Variants in DOK5 observed in about 807,000 individuals in gnomAD.
The protein encoded by DOK5 is downstream of tyrosine kinase 5.
In DOK5, 27 loss-of-function variants were observed where a neutral mutation model predicts 43.3. The observed-to-expected ratio is 0.62, with a 90% CI of 0.46 to 0.86. The LOEUF is 0.86. Among genes scored for constraint, DOK5 ranks in the 40% least tolerant of loss-of-function variants. DOK5 has a pLI of 0.00. For missense variants in DOK5, 373 were observed against 392.9 expected, an observed-to-expected ratio of 0.95 and a Z score of 0.43; for synonymous variants, 146 against 140.1, an observed-to-expected ratio of 1.04 and a Z score of -0.30.
At chr20:54,605,736 A>C (rs1302092128) in intron 5 of DOK5, among the ~76,000 whole-genome samples, 1 of 152,240 alleles carries the variant, frequency 6.6e-6, no homozygotes, top group Non-Finnish European at 1.5e-5. Context: ...TATTTATTGA[A>C]CATGAAATGT....
intron 1 of DOK5, among the ~76,000 whole-genome samples, chr20:54,491,942 AAGAG>A (rs973676578): frequency 3.4e-4 from 51 of 152,226 alleles, no homozygotes; most frequent in African/African-American, 1.2e-3. Flanking sequence ...AAGAGAGAAA[AAGAG>A]AGAGAAAGTG....
At chr20:54,550,763 G>T (rs979932348) in intron 1 of DOK5, among the ~76,000 whole-genome samples, 9 of 152,084 alleles carry the variant, frequency 5.9e-5, no homozygotes, top group African/African-American at 1.9e-4. Context: ...ATTGTATGGA[G>T]GATGTACCAC....
chr20:54,512,634 T>G (rs1983050382), intron 1 of DOK5, among the ~76,000 whole-genome samples: 1 of 152,218 alleles, frequency 6.6e-6, no homozygotes, highest in Non-Finnish European at 1.5e-5. Flanking sequence ...GTAGTATTCT[T>G]TTATGTTAAA....
Position 54,475,856 on chromosome 20 carries a change from C to G in DOK5, c.-91C>G, listed in dbSNP as rs547896444. On this transcript the variant is annotated 5_prime_UTR_variant, in exon 1 of 8. Transcript: ENST00000262593. This position sits in a 1 kb window ranked among gnomAD's most constrained non-coding sequence, Gnocchi z 4.2. ...CTTCACCTCTCCAACTTTCTCCCAC[C>G]GACTGCTTGTCTTGACCCTGCCCTC... 6 of 1,510,662 alleles carry G rather than the reference C, an allele frequency of 4.0e-6. No individual in the cohort carries two copies. Among genetic ancestry groups the G allele is most frequent in the Middle Eastern group, 2.2e-4 (1 of 4,556 alleles). 93.6% of individuals were successfully genotyped at this position (1,510,662 alleles called of 1,614,324 possible). A position where few individuals can be genotyped will look rare whatever the true frequency, so the allele number is the denominator to read the frequency against.
intron 2 of DOK5, among the ~76,000 whole-genome samples, chr20:54,561,449 T>C (rs1205108162): frequency 6.6e-6 from 1 of 152,172 alleles, no homozygotes; most frequent in Admixed American, 6.5e-5. Flanking sequence ...TCTTTCCTAC[T>C]GATTCGAAAA....
intron 6 of DOK5, among the ~76,000 whole-genome samples, chr20:54,611,666 G>A (rs1438106176): frequency 6.6e-6 from 1 of 152,176 alleles, no homozygotes; most frequent in Non-Finnish European, 1.5e-5. Flanking sequence ...CTTAAGTAAT[G>A]CACATCATGC....
At chr20:54,578,391 A>G (rs2146755649) in intron 2 of DOK5, among the ~76,000 whole-genome samples, 1 of 152,308 alleles carries the variant, frequency 6.6e-6, no homozygotes, top group South Asian at 2.1e-4. Flanking sequence ...TTTCAAGAGA[A>G]AGAACTCTGG....
At chr20:54,631,834 T>C (rs1978586130) in intron 6 of DOK5, among the ~76,000 whole-genome samples, 1 of 152,004 alleles carries the variant, frequency 6.6e-6, no homozygotes, top group African/African-American at 2.4e-5. Context: ...TAGCTGGGCA[T>C]TGTGGCACGT....
chr20:54,627,906 C>G (rs1170163617), intron 6 of DOK5, among the ~76,000 whole-genome samples: 1 of 152,146 alleles, frequency 6.6e-6, no homozygotes, highest in Non-Finnish European at 1.5e-5. Context: ...TGTATAGTCT[C>G]AAGAAGTGTG....
At chr20:54,605,044 CACGTAT>C (rs752910370) in intron 5 of DOK5, among the ~76,000 whole-genome samples, 84 of 143,994 alleles carry the variant, frequency 5.8e-4, no homozygotes, top group Non-Finnish European at 7.3e-4. Context: ...CACACACACA[CACGTAT>C]ACACACACAC....
At chr20:54,582,944 G>A (rs943144604) in intron 2 of DOK5, among the ~76,000 whole-genome samples, 1 of 151,600 alleles carries the variant, frequency 6.6e-6, no homozygotes, top group Non-Finnish European at 1.5e-5. Context: ...CTAGTTCCTT[G>A]GGGTGTAAAT....
intron 1 of DOK5, among the ~76,000 whole-genome samples, chr20:54,521,371 A>AG (rs1454371352): frequency 6.6e-6 from 1 of 152,102 alleles, no homozygotes; most frequent in African/African-American, 2.4e-5. Flanking sequence ...GCCAACCACA[A>AG]GGGGGTCCCA....
intron 1 of DOK5, among the ~76,000 whole-genome samples, chr20:54,479,784 G>A (rs1046676083): frequency 2.6e-5 from 4 of 152,096 alleles, no homozygotes; most frequent in Non-Finnish European, 5.9e-5. Flanking sequence ...TCACAGACCT[G>A]CTGCTCCTAG....
intron 5 of DOK5, among the ~76,000 whole-genome samples, chr20:54,606,247 G>C (rs1172219899): frequency 1.3e-5 from 2 of 152,196 alleles, no homozygotes; most frequent in African/African-American, 4.8e-5. Flanking sequence ...TATCATCACA[G>C]AGGAAATTAG....
At chr20:54,608,715 G>A (rs943216348) in intron 5 of DOK5, among the ~76,000 whole-genome samples, 15 of 149,502 alleles carry the variant, frequency 1.0e-4, no homozygotes, top group Non-Finnish European at 1.9e-4. Flanking sequence ...CTGTCACCCA[G>A]GCTGGAGTGC....
chr20:54,518,603 A>G (rs1983283994), intron 1 of DOK5, among the ~76,000 whole-genome samples: 1 of 152,168 alleles, frequency 6.6e-6, no homozygotes, highest in Non-Finnish European at 1.5e-5. Flanking sequence ...ATGTGTCTTT[A>G]TAGCAGCATG....
chr20:54,639,089 G>A (rs892394570), intron 6 of DOK5, among the ~76,000 whole-genome samples: 3 of 152,156 alleles, frequency 2.0e-5, no homozygotes, highest in African/African-American at 7.2e-5. Flanking sequence ...AGAAAGGGAA[G>A]CCCAGATTAG....
At chr20:54,560,149 C>T (rs6014055) in intron 2 of DOK5, among the ~76,000 whole-genome samples, 1 of 152,118 alleles carries the variant, frequency 6.6e-6, no homozygotes, top group Non-Finnish European at 1.5e-5. Context: ...CTTTTCTGTA[C>T]TAATGATTCA....
chr20:54,479,563 A>G (rs537181420), intron 1 of DOK5, among the ~76,000 whole-genome samples: 3 of 152,278 alleles, frequency 2.0e-5, no homozygotes, highest in African/African-American at 2.4e-5. Context: ...AATGGAGATG[A>G]TTTTCCAATC....
Sources: gnomAD v4.1 joint callset for allele counts (sites outside exome capture counted in the v4.1 genomes callset) on GRCh38, gnomAD v4.1.1 for gene constraint, Gnocchi (gnomAD v3.1) non-coding constraint, MANE v1.5 for transcripts, NCBI Gene and HGNC (gene_info 2026-07-23, HGNC 2026-07-21) for gene names.